Variants in SORCS1 observed in about 807,000 individuals in gnomAD.
SORCS1 encodes sortilin related VPS10 domain containing receptor 1.
A neutral mutation model predicts 146.1 loss-of-function variants in SORCS1; 60 were observed. The ratio of observed to expected loss-of-function variants is 0.41; its 90% CI spans 0.33 to 0.51. SORCS1 has a LOEUF of 0.51. SORCS1 is among the 20% of genes least tolerant of loss of function. SORCS1 has a pLI of 0.21. For missense variants in SORCS1, 1,352 were observed against 1,487.6 expected (o/e 0.91, Z 1.50); for synonymous variants, 637 against 584.0 (o/e 1.09, Z -1.31).
chr10:107,046,972 GCTGTA>G (rs1292151857), intron 1 of SORCS1, among the ~76,000 whole-genome samples: 8 of 152,066 alleles, frequency 5.3e-5, no homozygotes, highest in African/African-American at 1.4e-4. Flanking sequence ...GTTTTGTTTT[GCTGTA>G]TTTTATTTTA....
At chr10:107,091,913 C>A (rs1556759) in intron 1 of SORCS1, among the ~76,000 whole-genome samples, 68,265 of 152,058 alleles carry the variant, frequency 0.45, 15,840 homozygotes, top group Middle Eastern at 0.58. Flanking sequence ...ATTATCCTGT[C>A]TTTATGTATG....
At chr10:106,691,228 C>G (rs1162613580) in intron 9 of SORCS1, among the ~76,000 whole-genome samples, 1 of 152,172 alleles carries the variant, frequency 6.6e-6, no homozygotes, top group Non-Finnish European at 1.5e-5. Flanking sequence ...AGTAATATTT[C>G]CTACGGAAGC....
intron 10 of SORCS1, among the ~76,000 whole-genome samples, chr10:106,686,588 T>C (rs1274348215): frequency 1.3e-5 from 2 of 152,022 alleles, no homozygotes; most frequent in Non-Finnish European, 2.9e-5. Flanking sequence ...TTGCGTAGAG[T>C]AGGTATTCAA....
At chr10:106,972,784 G>C (rs1180196012) in intron 1 of SORCS1, among the ~76,000 whole-genome samples, 1 of 152,122 alleles carries the variant, frequency 6.6e-6, no homozygotes, top group African/African-American at 2.4e-5. Flanking sequence ...TGCAGGTAGG[G>C]ACCTTTTCAA....
intron 3 of SORCS1, among the ~76,000 whole-genome samples, chr10:106,788,358 T>C (rs1946156094): frequency 6.6e-6 from 1 of 152,154 alleles, no homozygotes; most frequent in Non-Finnish European, 1.5e-5. Flanking sequence ...TCCTCCAAAG[T>C]CTCAACTCAT....
intron 1 of SORCS1, among the ~76,000 whole-genome samples, chr10:106,962,394 C>CAAAAAAAAAAAAAAAAAAAA (rs60616146): frequency 8.0e-5 from 5 of 62,570 alleles, no homozygotes; most frequent in East Asian, 5.6e-4. Flanking sequence ...AACTCCATCT[C>CAAAAAAAAAAAAAAAAAAAA]AAAAAAAAAA....
intron 2 of SORCS1, among the ~76,000 whole-genome samples, chr10:106,878,165 C>CTT (rs35701765): frequency 1.2e-3 from 171 of 141,062 alleles, no homozygotes; most frequent in East Asian, 8.6e-3. Flanking sequence ...GCAGACAGGG[C>CTT]TTTTTTTTTT....
At chr10:106,955,820 G>A (rs1034447097) in intron 2 of SORCS1, among the ~76,000 whole-genome samples, 12 of 151,988 alleles carry the variant, frequency 7.9e-5, no homozygotes, top group African/African-American at 2.2e-4. Flanking sequence ...GAGAAACCAC[G>A]TCTCTACCAA....
chr10:106,658,599 A>G (rs1291999519), intron 17 of SORCS1, among the ~76,000 whole-genome samples: 1 of 152,216 alleles, frequency 6.6e-6, no homozygotes, highest in Non-Finnish European at 1.5e-5. Flanking sequence ...GAAATGAAGG[A>G]AGCCTTGGGG....
At chr10:106,726,377 A>AGT (rs1856190290) in intron 6 of SORCS1, among the ~76,000 whole-genome samples, 1 of 148,792 alleles carries the variant, frequency 6.7e-6, no homozygotes. Context: ...AAAAAAAAAA[A>AGT]AAAAAAAAAA....
chr10:106,612,323 C>A (rs1357587739), intron 21 of SORCS1, among the ~76,000 whole-genome samples: 2 of 147,196 alleles, frequency 1.4e-5, no homozygotes, highest in East Asian at 2.1e-4. Flanking sequence ...ACCACCCCCC[C>A]AGACTACCCC....
intron 19 of SORCS1, among the ~76,000 whole-genome samples, chr10:106,623,487 G>A (rs935236354): frequency 4.4e-4 from 67 of 151,098 alleles, no homozygotes; most frequent in African/African-American, 1.4e-3. Flanking sequence ...CTTGTGATCC[G>A]CCCGCCTCGG....
rs2484971 is a variant in SORCS1, at chr10:106,773,675, C to T, written c.885+2859G>A. On this transcript the variant is annotated intron_variant, in intron 4 of 25. Coordinates refer to ENST00000263054, the MANE Select transcript of SORCS1 (RefSeq NM_052918.5). Reference sequence around the variant, plus strand: ...TTCAAAAACGAGAACCCTGGCTGGGCGTGGTGGCTCATGTCCGTAATCCCA... The same window carrying T: ...TTCAAAAACGAGAACCCTGGCTGGGTGTGGTGGCTCATGTCCGTAATCCCA... Among the ~76,000 whole-genome samples, 1,332 of 152,306 alleles carry T rather than the reference C, an allele frequency of 8.7e-3. 18 individuals are homozygous for T. Among genetic ancestry groups the T allele is most frequent in the African/African-American group, 0.03 (1,242 of 41,560 alleles).
chr10:106,618,703 C>T (rs1847541422), intron 20 of SORCS1, among the ~76,000 whole-genome samples: 1 of 152,144 alleles, frequency 6.6e-6, no homozygotes, highest in Admixed American at 6.5e-5. Flanking sequence ...TGTTCATCTC[C>T]AGGGTGTACG....
At chr10:106,661,346 G>T (rs773575438) in intron 17 of SORCS1, among the ~76,000 whole-genome samples, 43 of 152,176 alleles carry the variant, frequency 2.8e-4, no homozygotes, top group Admixed American at 1.1e-3. Context: ...GTGCTTTGGT[G>T]TACAGTGCTT....
At chr10:107,133,872 G>T (rs1043528123) in intron 1 of SORCS1, among the ~76,000 whole-genome samples, 8 of 152,194 alleles carry the variant, frequency 5.3e-5, no homozygotes, top group African/African-American at 1.9e-4. Flanking sequence ...TGTCTTTTCT[G>T]TCTGTCTAAC....
chr10:106,601,770 TCATTA>T (rs1233915514), intron 23 of SORCS1, among the ~76,000 whole-genome samples: 1 of 152,204 alleles, frequency 6.6e-6, no homozygotes, highest in Non-Finnish European at 1.5e-5. Flanking sequence ...GCATTTCCAT[TCATTA>T]CATACAGCAC....
intron 6 of SORCS1, among the ~76,000 whole-genome samples, chr10:106,728,585 A>C (rs1856372868): frequency 6.6e-6 from 1 of 152,192 alleles, no homozygotes; most frequent in Non-Finnish European, 1.5e-5. Flanking sequence ...AGGGAAACAA[A>C]CCTTTAGAGA....
chr10:106,737,316 C>T (rs930889604), intron 5 of SORCS1, among the ~76,000 whole-genome samples: 1 of 152,214 alleles, frequency 6.6e-6, no homozygotes, highest in Non-Finnish European at 1.5e-5. Context: ...CCTTTCCCCA[C>T]TTTCCCTTTT....
Sources: allele counts gnomAD v4.1 joint callset (sites outside exome capture counted in the v4.1 genomes callset), GRCh38; gene constraint gnomAD v4.1.1; transcripts MANE v1.5; gene names NCBI Gene and HGNC (gene_info 2026-07-23, HGNC 2026-07-21).